The following SH3RF2 variants were observed in gnomAD, a reference collection of about 807,000 sequenced individuals.
The protein encoded by SH3RF2 is SH3 domain containing ring finger 2.
Under a neutral mutation model 59.0 loss-of-function variants are expected in SH3RF2, and 43 were observed. That is an observed-to-expected ratio of 0.73 (90% CI 0.57 to 0.94). SH3RF2 has a LOEUF of 0.94. Among genes scored for constraint, SH3RF2 ranks in the 40% least tolerant of loss-of-function variants. The probability of loss-of-function intolerance (pLI) is 0.00; values close to 1 mark genes in which losing one functional copy is unlikely to be tolerated. For synonymous variants in SH3RF2, 391 were observed against 391.5 expected (o/e 1.00, Z 0.01); for missense variants, 930 against 940.1 (o/e 0.99, Z 0.14).
Position 146,000,182 on chromosome 5 carries a change from ATGGCATCAGCGGGAAC to A in SH3RF2, c.505_520del (p.Gly169SerfsTer39). ...GAGAATTGGTACCAGGGGGAAATCA[ATGGCATCAGCGGGAAC>A]TTCCCAGCCAGCTCCGTGGAAGTCA... On this transcript the variant is annotated frameshift_variant, in exon 3 of 10. Transcript: ENST00000359120. LOFTEE classifies it high-confidence loss of function. The A allele has an allele frequency of 6.2e-7, 1 of 1,613,702 alleles. No homozygotes were observed. Among genetic ancestry groups the A allele is most frequent in the Non-Finnish European group, 8.5e-7 (1 of 1,179,824 alleles).
At position 146,017,656 on chromosome 5, in the gene SH3RF2, C is replaced by T. The variant is rs1023110291; in HGVS notation, c.1059+3595C>T. Among the ~76,000 whole-genome samples the T allele has an allele frequency of 3.3e-5, 5 of 152,196 alleles. No individual in the cohort carries two copies. The South Asian group carries it at 6.2e-4, about 19-fold the overall frequency. ...CAACTAGAAAGCTCTTTTTCCCTCA[C>T]CTCCTACATTCAGCTAATCAGTAAG... On this transcript the variant is annotated intron_variant, in intron 5 of 9. Transcript: ENST00000359120.
intron 2 of SH3RF2, among the ~76,000 whole-genome samples, chr5:145,959,615 A>ATATATGTG (rs368782512): frequency 1.7e-4 from 24 of 145,410 alleles, no homozygotes; most frequent in African/African-American, 5.3e-4. Flanking sequence ...CTATATATAT[A>ATATATGTG]TGTGTGTGTG....
intron 4 of SH3RF2, among the ~76,000 whole-genome samples, chr5:146,011,406 A>T (rs1760892227): frequency 6.6e-6 from 1 of 152,206 alleles, no homozygotes; most frequent in Admixed American, 6.5e-5. Context: ...GTTTTTAAAA[A>T]TTCTGTGAAG....
At chr5:146,015,304 A>C (rs545705653) in intron 5 of SH3RF2, among the ~76,000 whole-genome samples, 2 of 152,276 alleles carry the variant, frequency 1.3e-5, no homozygotes, top group South Asian at 2.1e-4. Flanking sequence ...CAACTGCACC[A>C]CATGCACACG....
At chr5:145,937,367 C>G (rs1341206770) in intron 1 of SH3RF2, among the ~76,000 whole-genome samples, 2 of 152,144 alleles carry the variant, frequency 1.3e-5, no homozygotes, top group African/African-American at 4.8e-5. Context: ...CCCACCTAAA[C>G]TAATCTGCAT....
chr5:146,011,464 C>A (rs1466713945), intron 4 of SH3RF2, among the ~76,000 whole-genome samples: 1 of 152,108 alleles, frequency 6.6e-6, no homozygotes, highest in Non-Finnish European at 1.5e-5. Flanking sequence ...TATAAATTAC[C>A]TTGGGCAGTA....
chr5:145,954,963 C>G (rs1051871075), intron 2 of SH3RF2, among the ~76,000 whole-genome samples: 2 of 152,056 alleles, frequency 1.3e-5, no homozygotes, highest in Non-Finnish European at 2.9e-5. Context: ...GTGCCACACA[C>G]TTTTAAATGA....
chr5:145,977,397 T>C (rs546547501), intron 2 of SH3RF2, among the ~76,000 whole-genome samples: 81 of 152,314 alleles, frequency 5.3e-4, no homozygotes, highest in Admixed American at 1.4e-3. Context: ...CTAGTACCTA[T>C]TGAGTACTTA....
At position 146,070,890 on chromosome 5, in the gene SH3RF2, G is replaced by A. The variant is rs183903979; in HGVS notation, c.*34-7570G>A. On this transcript the variant is annotated intron_variant, in intron 9 of 9. Coordinates refer to the SH3RF2 transcript ENST00000511217. ...AAGGATGCCAGCCAAGGCCTAGGGA[G>A]AAAGGCAAAAGACATCTGCAGAGGC... is the stretch of plus-strand genomic sequence containing the variant. Among the ~76,000 whole-genome samples, 3 of 152,348 alleles carry A rather than the reference G, an allele frequency of 2.0e-5. No homozygotes were observed. The East Asian group carries it at 5.8e-4, about 29-fold the overall frequency.
intron 2 of SH3RF2, chr5:145,997,146 G>T: frequency 1.5e-6 from 1 of 678,684 alleles, no homozygotes; most frequent in South Asian, 1.7e-5. Context: ...CAATGAATGA[G>T]ACTTCCTGTT....
rs1762228674 is a variant in SH3RF2 at position 146,044,229 on chromosome 5, T to C, written c.1060-3543T>C. ...GCAAGGGCATGATCTCGGCTCACTG[T>C]AATCTCTGCCTCCTGGGTTCAAGCG... On this transcript the variant is annotated intron_variant, in intron 5 of 9. Transcript: ENST00000359120. Among the ~76,000 whole-genome samples, 5 of 151,930 alleles carry C rather than the reference T, an allele frequency of 3.3e-5. No individual in the cohort carries two copies. The South Asian group carries it at 1.0e-3, about 32-fold the overall frequency.
intron 2 of SH3RF2, among the ~76,000 whole-genome samples, chr5:145,967,900 T>A (rs1160173411): frequency 6.6e-6 from 1 of 152,200 alleles, no homozygotes; most frequent in Non-Finnish European, 1.5e-5. Flanking sequence ...CCTCAAGTGA[T>A]CCACCCACCT....
At chr5:146,070,054 T>C (rs892721745) in intron 9 of SH3RF2, among the ~76,000 whole-genome samples, 6 of 151,552 alleles carry the variant, frequency 4.0e-5, no homozygotes, top group Non-Finnish European at 7.4e-5. Flanking sequence ...ACCTACTACA[T>C]GCCAAGCACT....
intron 2 of SH3RF2, among the ~76,000 whole-genome samples, chr5:145,942,580 A>C (rs1274564858): frequency 1.3e-5 from 2 of 152,206 alleles, no homozygotes; most frequent in South Asian, 4.1e-4. Flanking sequence ...TAGAGCTGTG[A>C]TACAGACAGT....
Position 146,049,205 on chromosome 5 carries a change from G to A in SH3RF2, c.1282G>A (p.Val428Ile). The A allele has an allele frequency of 2.5e-6, 4 of 1,613,812 alleles. No individual in the cohort carries two copies. Among genetic ancestry groups the A allele is most frequent in the East Asian group, 2.2e-5 (1 of 44,860 alleles). Residue 428 changes from valine to isoleucine, a missense_variant, in exon 7 of 10, where the codon GTC (valine) becomes ATC (isoleucine). By Grantham distance (29) the Val-to-Ile change is conservative (BLOSUM62 3). Transcript: ENST00000359120. Reference sequence around the variant, plus strand: ...GGGCGTCTCCTTGGTCACCGGGCGAGTCGGCATCTTCCCAAACAATTACGT... The same window carrying A: ...GGGCGTCTCCTTGGTCACCGGGCGAATCGGCATCTTCCCAAACAATTACGT... ...LRGVSLVTGR[V>I]GIFPNNYVIP...
intron 5 of SH3RF2, among the ~76,000 whole-genome samples, chr5:146,026,010 G>C (rs1243309857): frequency 2.6e-5 from 4 of 152,160 alleles, no homozygotes; most frequent in African/African-American, 4.8e-5. Context: ...TGTCATTTGT[G>C]TGACTGGGGA....
At position 146,022,864 on chromosome 5, in the gene SH3RF2, G is replaced by A. The variant is rs915674510; in HGVS notation, c.1059+8803G>A. On this transcript the variant is annotated intron_variant, in intron 5 of 9. Transcript: ENST00000359120. ...TGCAGCCTGAGTGACACAGAGCAAGGCTCCATCTAAACACACACACACACA... is the reference window on the plus strand; with the variant it reads ...TGCAGCCTGAGTGACACAGAGCAAGACTCCATCTAAACACACACACACACA... Among the ~76,000 whole-genome samples, 17 of 139,550 alleles carry A rather than the reference G, an allele frequency of 1.2e-4. No individual in the cohort carries two copies. The East Asian group carries it at 3.6e-3, about 29-fold the overall frequency. The allele number at this position is 139,550 out of a possible 152,430, so 91.6% of individuals were successfully genotyped here. A position where few individuals can be genotyped will look rare whatever the true frequency, so the allele number is the denominator to read the frequency against.
chr5:146,030,665 T>C (rs1340164322), intron 5 of SH3RF2, among the ~76,000 whole-genome samples: 2 of 151,566 alleles, frequency 1.3e-5, no homozygotes, highest in African/African-American at 4.9e-5. Flanking sequence ...AATTAGCAAA[T>C]TACAGCCTAT....
At chr5:145,986,045 ATGTC>A (rs1054598536) in intron 2 of SH3RF2, among the ~76,000 whole-genome samples, 4 of 148,380 alleles carry the variant, frequency 2.7e-5, no homozygotes, top group African/African-American at 1.0e-4. Context: ...AAATAAATAA[ATGTC>A]TGTTATCGTT....
Sources: gnomAD v4.1 joint callset for allele counts (sites outside exome capture counted in the v4.1 genomes callset) on GRCh38, gnomAD v4.1.1 for gene constraint, MANE v1.5 for transcripts, NCBI Gene and HGNC (gene_info 2026-07-23, HGNC 2026-07-21) for gene names.